The following WDR27 variants were observed in gnomAD, a reference collection of about 807,000 sequenced individuals.
WDR27 encodes the protein WD repeat-containing protein 27.
A neutral mutation model predicts 114.4 loss-of-function variants in WDR27; 100 were observed. The observed-to-expected ratio is 0.87, with a 90% CI of 0.74 to 1.03. The LOEUF (loss-of-function observed/expected upper bound fraction) is 1.03, where lower values mean the gene tolerates loss of function less well. Ranked by LOEUF, WDR27 falls within the 50% of genes least tolerant of loss-of-function variation. WDR27 has a pLI of 0.00. For missense variants in WDR27, 1,129 were observed against 1,092.9 expected (o/e 1.03, Z -0.47); for synonymous variants, 449 against 423.1 (o/e 1.06, Z -0.75).
chr6:169,566,747 AG>A (rs1442932867), intron 25 of WDR27, among the ~76,000 whole-genome samples: 1 of 152,162 alleles, frequency 6.6e-6, no homozygotes, highest in Non-Finnish European at 1.5e-5. Context: ...CTTTCTAAAA[AG>A]GATAATCAGA....
chr6:169,521,022 T>C (rs1283585991), intron 25 of WDR27, among the ~76,000 whole-genome samples: 1 of 151,858 alleles, frequency 6.6e-6, no homozygotes, highest in Non-Finnish European at 1.5e-5. Flanking sequence ...GAGATAAATA[T>C]CCAGGTAAGG....
At chr6:169,666,352 C>T (rs1827821188) in intron 6 of WDR27, 18 of 976,166 alleles carry the variant, frequency 1.8e-5, no homozygotes, top group Non-Finnish European at 2.2e-5. Context: ...GAAGATATAA[C>T]AATAACTCTA....
rs535194910 is a variant in WDR27 at position 169,665,187 on chromosome 6, CCTCTT to C, written c.783+294_783+298del. On this transcript the variant is annotated intron_variant, in intron 7 of 25. Coordinates refer to ENST00000448612, the MANE Select transcript of WDR27 (RefSeq NM_182552.5). The stretch of plus-strand genomic sequence containing the variant: ...GGAGCGGGGGACGTCTGCTCACAGC[CCTCTT>C]CTCAGCAGGTTTTCAGGGTCACGTG... The C allele has an allele frequency of 1.1e-4, 125 of 1,132,386 alleles. No homozygotes were observed. The African/African-American group carries it at 1.8e-3, about 16-fold the overall frequency. 70.1% of individuals were successfully genotyped at this position (1,132,386 alleles called of 1,614,324 possible).
intron 24 of WDR27, among the ~76,000 whole-genome samples, chr6:169,578,189 G>C (rs558660989): frequency 3.0e-4 from 45 of 152,322 alleles, no homozygotes; most frequent in Non-Finnish European, 5.1e-4. Flanking sequence ...CTCCAACTGT[G>C]AAAGTGTGAC....
intron 25 of WDR27, among the ~76,000 whole-genome samples, chr6:169,500,434 T>C (rs1372295374): frequency 1.3e-5 from 2 of 152,114 alleles, no homozygotes; most frequent in Non-Finnish European, 2.9e-5. Context: ...CCAGGAGCTA[T>C]CTGTTTTCTC....
At chr6:169,581,326 C>A (rs551035964) in intron 24 of WDR27, among the ~76,000 whole-genome samples, 3 of 152,072 alleles carry the variant, frequency 2.0e-5, no homozygotes, top group African/African-American at 7.2e-5. Flanking sequence ...CTCTCCCCAC[C>A]GCCCACCCTG....
chr6:169,552,973 G>A (rs985643881), intron 25 of WDR27, among the ~76,000 whole-genome samples: 1 of 61,790 alleles, frequency 1.6e-5, no homozygotes, highest in Admixed American at 1.7e-4. Flanking sequence ...GGGCCTGCCC[G>A]GTGTGTGTGT....
intron 25 of WDR27, among the ~76,000 whole-genome samples, chr6:169,542,283 G>A (rs1420330874): frequency 6.6e-6 from 1 of 152,092 alleles, no homozygotes; most frequent in Non-Finnish European, 1.5e-5. Context: ...AATCTGATAA[G>A]CAGTATCTTA....
At chr6:169,658,808 C>T (rs372516633) in intron 12 of WDR27, among the ~76,000 whole-genome samples, 1 of 151,944 alleles carries the variant, frequency 6.6e-6, no homozygotes, top group Non-Finnish European at 1.5e-5. Flanking sequence ...CTCAGCCTCC[C>T]GACTAGCTGG....
chr6:169,532,680 A>G (rs1795736180), intron 25 of WDR27, among the ~76,000 whole-genome samples: 1 of 152,194 alleles, frequency 6.6e-6, no homozygotes, highest in Admixed American at 6.5e-5. Context: ...TATGTGACAT[A>G]GGTGTATTTG....
At chr6:169,677,148 G>A (rs891183975) in intron 2 of WDR27, among the ~76,000 whole-genome samples, 2 of 152,234 alleles carry the variant, frequency 1.3e-5, no homozygotes, top group Non-Finnish European at 2.9e-5. Flanking sequence ...AGAGGAAGAC[G>A]AGATGCTGAG....
At chr6:169,670,728 A>T (rs773133484) in intron 3 of WDR27, 35 bp from the exon 4 acceptor site, 5 of 1,612,020 alleles carry the variant, frequency 3.1e-6, no homozygotes, top group Non-Finnish European at 3.4e-6. Context: ...CCAGTTTACC[A>T]AATGCATTCA....
the WDR27 span, among the ~76,000 whole-genome samples, chr6:169,437,152 G>A: frequency 6.6e-6 from 1 of 152,126 alleles, no homozygotes; most frequent in Non-Finnish European, 1.5e-5. Context: ...GGAAATTATA[G>A]AACAAAAACT....
In WDR27 at chr6:169,605,107, G is replaced by GAAAAAA. The variant is rs1562675799; in HGVS notation, c.2322-2787_2322-2786insTTTTTT. ...TAGAAGTCCTAGCCAGAGCAATTAG[G>GAAAAAA]CAAAAAAAAAAAAAAAAGTTTTTTT... On this transcript the variant is annotated intron_variant, in intron 22 of 25. Coordinates refer to ENST00000448612, the MANE Select transcript of WDR27 (RefSeq NM_182552.5). Among the ~76,000 whole-genome samples, 97 of 32,350 alleles carry GAAAAAA rather than the reference G, an allele frequency of 3.0e-3. 4 individuals carry two copies. In the East Asian group the frequency reaches 0.44, roughly 148 times the overall value. 21.2% of individuals were successfully genotyped at this position (32,350 alleles called of 152,430 possible). A position where few individuals can be genotyped will look rare whatever the true frequency, so the allele number is the denominator to read the frequency against.
intron 14 of WDR27, among the ~76,000 whole-genome samples, chr6:169,651,672 C>T (rs1461119588): frequency 1.3e-5 from 2 of 152,164 alleles, no homozygotes; most frequent in African/African-American, 4.8e-5. Flanking sequence ...CCCGGGACCA[C>T]CACGTTATCA....
Position 169,668,130 on chromosome 6 carries a change from A to C in WDR27, c.512T>G (p.Val171Gly). 6.2e-7 allele frequency: 1 copy of C among 1,614,014 alleles called. No homozygotes were observed. Among genetic ancestry groups the C allele is most frequent in the Non-Finnish European group, 8.5e-7 (1 of 1,179,890 alleles). ...ERPDVNNRHK[V>G]PPPTFLHTFS... ...TGTGTGCAGGAAGGTCGGTGGTGGG[A>C]CTTTGTGGCGGTTATTAACATCAGG... is the stretch of plus-strand genomic sequence containing the variant. The change falls in exon 5 of 26, where the codon GTC becomes GGC. Residue 171 changes from valine (V) to glycine (G), a missense_variant. Transcript: ENST00000448612.
chr6:169,646,404 A>G (rs544387229), intron 16 of WDR27, among the ~76,000 whole-genome samples: 1 of 152,368 alleles, frequency 6.6e-6, no homozygotes, highest in Admixed American at 6.5e-5. Context: ...GCCCAGAGGC[A>G]TATTTGGCTA....
chr6:169,696,440 C>G (rs1786006689), intron 1 of WDR27, among the ~76,000 whole-genome samples: 3 of 152,108 alleles, frequency 2.0e-5, no homozygotes, highest in Admixed American at 2.0e-4. Flanking sequence ...ACAAAGAATC[C>G]CACACATGCA....
intron 13 of WDR27, among the ~76,000 whole-genome samples, chr6:169,652,658 T>C (rs1822920597): frequency 6.6e-6 from 1 of 152,232 alleles, no homozygotes; most frequent in Non-Finnish European, 1.5e-5. Context: ...TTGGGGATTA[T>C]AGCATTACTG....
Sources: gnomAD v4.1 joint callset for allele counts (sites outside exome capture counted in the v4.1 genomes callset) on GRCh38, gnomAD v4.1.1 for gene constraint, MANE v1.5 for transcripts, NCBI Gene and HGNC (gene_info 2026-07-23, HGNC 2026-07-21) for gene names.